Variants in SLC6A11 observed in about 807,000 individuals in gnomAD.
SLC6A11 encodes solute carrier family 6 member 11.
In SLC6A11, 25 loss-of-function variants were observed where a neutral mutation model predicts 74.8. The ratio of observed to expected loss-of-function variants is 0.33; its 90% CI spans 0.24 to 0.47. The LOEUF (loss-of-function observed/expected upper bound fraction) is 0.47, where lower values mean the gene tolerates loss of function less well. Ranked by LOEUF, SLC6A11 falls within the 20% of genes least tolerant of loss-of-function variation. The probability of loss-of-function intolerance (pLI) is 1.00; values close to 1 mark genes in which losing one functional copy is unlikely to be tolerated. For synonymous variants in SLC6A11, 330 were observed against 330.2 expected (o/e 1.00, Z 0.01); for missense variants, 574 against 837.0 (o/e 0.69, Z 3.88).
At chr3:10,843,544 C>T (rs1694464681) in intron 4 of SLC6A11, among the ~76,000 whole-genome samples, 2 of 152,178 alleles carry the variant, frequency 1.3e-5, no homozygotes, top group African/African-American at 4.8e-5. Flanking sequence ...CTCCCTGACC[C>T]CCTGTAGCAG....
At chr3:10,873,732 CCCGTCCCGTCCCATG>C (rs1460878593) in intron 5 of SLC6A11, among the ~76,000 whole-genome samples, 5 of 148,460 alleles carry the variant, frequency 3.4e-5, no homozygotes, top group South Asian at 2.2e-4. Context: ...CCTATCCTAT[CCCGTCCCGTCCCATG>C]CTATCCTGTC....
At chr3:10,831,025 A>G (rs903662916) in intron 4 of SLC6A11, among the ~76,000 whole-genome samples, 2 of 152,206 alleles carry the variant, frequency 1.3e-5, no homozygotes, top group Non-Finnish European at 2.9e-5. Context: ...ATGCTTGGCC[A>G]TAGAATACAC....
chr3:10,866,007 C>A (rs4525846), intron 5 of SLC6A11, among the ~76,000 whole-genome samples: 41,308 of 152,090 alleles, frequency 0.27, 6,051 homozygotes, highest in South Asian at 0.47. Flanking sequence ...TGTTTGACTC[C>A]TTATAATGGA....
intron 5 of SLC6A11, among the ~76,000 whole-genome samples, chr3:10,846,624 T>G (rs546111040): frequency 3.3e-5 from 5 of 152,186 alleles, no homozygotes; most frequent in Non-Finnish European, 7.3e-5. Flanking sequence ...AGAATTCTAA[T>G]GCAGGAACTG....
intron 6 of SLC6A11, among the ~76,000 whole-genome samples, chr3:10,889,900 G>A (rs1398581585): frequency 2.6e-5 from 4 of 151,306 alleles, no homozygotes; most frequent in Admixed American, 1.3e-4. Flanking sequence ...TGCCAGGGGG[G>A]AGAGAGAGAG....
At chr3:10,842,523 A>G (rs1327782997) in intron 4 of SLC6A11, among the ~76,000 whole-genome samples, 3 of 152,228 alleles carry the variant, frequency 2.0e-5, no homozygotes, top group Non-Finnish European at 4.4e-5. Context: ...TTTAAAATGA[A>G]TTAAAGCCAA....
intron 10 of SLC6A11, among the ~76,000 whole-genome samples, chr3:10,931,070 C>T (rs1423969714): frequency 6.6e-6 from 1 of 152,184 alleles, no homozygotes; most frequent in Non-Finnish European, 1.5e-5. Flanking sequence ...AAAAATAGGC[C>T]ACAAACTTCT....
intron 5 of SLC6A11, among the ~76,000 whole-genome samples, chr3:10,864,349 G>A (rs1316494797): frequency 1.3e-5 from 2 of 151,450 alleles, no homozygotes; most frequent in African/African-American, 4.8e-5. Flanking sequence ...GGGTTGGGAG[G>A]GGCGTTTTCC....
At chr3:10,933,339 C>T (rs1032902317) in intron 11 of SLC6A11, 86 bp downstream of exon 11, 41 of 905,996 alleles carry the variant, frequency 4.5e-5, no homozygotes, top group Non-Finnish European at 6.3e-5. Context: ...GGCTCTGGTT[C>T]TCTGTGGCTT....
At chr3:10,878,702 C>T (rs1033548141) in intron 6 of SLC6A11, among the ~76,000 whole-genome samples, 27 of 151,994 alleles carry the variant, frequency 1.8e-4, no homozygotes, top group African/African-American at 3.9e-4. Context: ...CGTGATCCAC[C>T]GTGCCTGGCC....
intron 13 of SLC6A11, 97 bp downstream of exon 13, chr3:10,935,296 C>A: frequency 8.8e-7 from 1 of 1,133,708 alleles, no homozygotes; most frequent in Non-Finnish European, 1.3e-6. Flanking sequence ...GGCCTGCGCC[C>A]ACCTGCCTCA....
chr3:10,901,767 T>G (rs914808495), intron 6 of SLC6A11, among the ~76,000 whole-genome samples: 1 of 152,186 alleles, frequency 6.6e-6, no homozygotes, highest in Non-Finnish European at 1.5e-5. Context: ...CATCAGCTTC[T>G]GTATGTGGCA....
At chr3:10,853,651 C>T (rs931577819) in intron 5 of SLC6A11, among the ~76,000 whole-genome samples, 1 of 152,360 alleles carries the variant, frequency 6.6e-6, no homozygotes, top group South Asian at 2.1e-4. Flanking sequence ...TTCTTCGTCA[C>T]TGGGGAAGTC....
intron 4 of SLC6A11, among the ~76,000 whole-genome samples, chr3:10,834,877 T>G (rs1361814470): frequency 6.6e-6 from 1 of 152,150 alleles, no homozygotes; most frequent in African/African-American, 2.4e-5. Context: ...CAGCAGTAGC[T>G]CCTCACAATC....
At chr3:10,824,144 A>G (rs1694174140) in intron 4 of SLC6A11, 2 of 152,258 alleles carry the variant, frequency 1.3e-5, no homozygotes, top group South Asian at 4.1e-4. Context: ...CATAATTTAC[A>G]TTATGAAATA....
At chr3:10,853,340 G>A (rs975356291) in intron 5 of SLC6A11, among the ~76,000 whole-genome samples, 8 of 152,198 alleles carry the variant, frequency 5.3e-5, no homozygotes, top group Admixed American at 2.6e-4. Context: ...TGGCTAAGCC[G>A]CAGCTGGCAT....
At chr3:10,820,505 C>T (rs1694124299) in intron 3 of SLC6A11, among the ~76,000 whole-genome samples, 1 of 152,184 alleles carries the variant, frequency 6.6e-6, no homozygotes, top group Non-Finnish European at 1.5e-5. Flanking sequence ...GCACAAACCC[C>T]ACCCAGCTCA....
At chr3:10,855,273 A>G (rs1694625502) in intron 5 of SLC6A11, among the ~76,000 whole-genome samples, 1 of 152,222 alleles carries the variant, frequency 6.6e-6, no homozygotes, top group South Asian at 2.1e-4. Flanking sequence ...CTGAGGCTCT[A>G]AAGGTTTAAG....
intron 4 of SLC6A11, among the ~76,000 whole-genome samples, chr3:10,841,285 A>T (rs983451905): frequency 6.6e-6 from 1 of 152,000 alleles, no homozygotes; most frequent in Non-Finnish European, 1.5e-5. Context: ...CCAGCATTTC[A>T]TGGGGGAGGC....
Sources: gnomAD v4.1 joint callset for allele counts (sites outside exome capture counted in the v4.1 genomes callset) on GRCh38, gnomAD v4.1.1 for gene constraint, MANE v1.5 for transcripts, NCBI Gene and HGNC (gene_info 2026-07-23, HGNC 2026-07-21) for gene names.